GALNT9: variants seen among roughly 807,000 people sequenced by gnomAD.
The protein encoded by GALNT9 is polypeptide N-acetylgalactosaminyltransferase 9, also known as GalNAc transferase 9.
GALNT9 carries 47 observed loss-of-function variants against 63.1 expected under a neutral mutation model. The observed-to-expected ratio is 0.75, with a 90% CI of 0.59 to 0.95. GALNT9 has a LOEUF of 0.95. Among genes scored for constraint, GALNT9 ranks in the 40% least tolerant of loss-of-function variants. The pLI is 0.00. For missense variants in GALNT9, 829 were observed against 874.8 expected, an observed-to-expected ratio of 0.95 and a Z score of 0.66; for synonymous variants, 396 against 365.7, an observed-to-expected ratio of 1.08 and a Z score of -0.94.
At chr12:132,209,431 T>C (rs1466628002) in intron 6 of GALNT9, among the ~76,000 whole-genome samples, 1 of 152,058 alleles carries the variant, frequency 6.6e-6, no homozygotes, top group Non-Finnish European at 1.5e-5. Flanking sequence ...GCACCTGTAG[T>C]CCCAGCTACT....
At chr12:132,220,487 T>C (rs1877405638) in intron 6 of GALNT9, among the ~76,000 whole-genome samples, 1 of 152,006 alleles carries the variant, frequency 6.6e-6, no homozygotes, top group South Asian at 2.1e-4. Context: ...ATATGAAAAA[T>C]ACCCATGGAA....
chr12:132,226,661 CCCCACACACACTGTACATACACACCAAA>C (rs1259162473), intron 6 of GALNT9, among the ~76,000 whole-genome samples: 3 of 135,038 alleles, frequency 2.2e-5, no homozygotes, highest in Non-Finnish European at 4.7e-5. Context: ...CATATACACA[CCCCACACACACTGTACATACACACCAAA>C]CACCCACCCC....
chr12:132,285,492 G>A (rs974163267), intron 2 of GALNT9, among the ~76,000 whole-genome samples: 3 of 152,270 alleles, frequency 2.0e-5, no homozygotes, highest in Admixed American at 2.0e-4. Context: ...CATCCTGAGT[G>A]GCACTGAGGC....
At chr12:132,226,772 A>C (rs1304368367) in intron 6 of GALNT9, among the ~76,000 whole-genome samples, 2 of 146,926 alleles carry the variant, frequency 1.4e-5, no homozygotes, top group Middle Eastern at 3.7e-3. Flanking sequence ...CACACTGTAC[A>C]TACACATCCC....
At chr12:132,317,024 G>A (rs71470387) in intron 1 of GALNT9, among the ~76,000 whole-genome samples, 21,700 of 117,648 alleles carry the variant, frequency 0.18, 44 homozygotes, top group East Asian at 0.24. Context: ...TACACCCCAC[G>A]GAGCATGGTC....
chr12:132,229,631 G>C (rs1267319734), intron 6 of GALNT9, among the ~76,000 whole-genome samples: 1 of 152,196 alleles, frequency 6.6e-6, no homozygotes, highest in African/African-American at 2.4e-5. Context: ...GTGCCTCAGC[G>C]GGGCCGTCCC....
intron 1 of GALNT9, 101 bp downstream of exon 1, chr12:132,328,865 G>T: frequency 7.6e-7 from 1 of 1,318,770 alleles, no homozygotes; most frequent in Non-Finnish European, 9.9e-7. Context: ...CCACAGGGGC[G>T]CAGAGGGGCG....
chr12:132,203,591 C>G lies in GALNT9; in HGVS notation c.1177G>C (p.Ala393Pro). ...KPYNNDIDYYAKRNALRAAEV... is the reference protein window; with the variant it reads ...KPYNNDIDYYPKRNALRAAEV... ...GCGGCGCGCAGGGCGTTGCGCTTGG[C>G]ATAGTAGTCAATGTCGTTGTTGTAG... The change falls in exon 7 of 11, where the codon GCC becomes CCC. Residue 393 changes from alanine (A) to proline (P), a missense_variant. Ala to Pro is a conservative substitution (Grantham distance 27). Transcript: ENST00000328957. 1 of 1,613,898 alleles carries G rather than the reference C, an allele frequency of 6.2e-7. No homozygotes were observed. Among genetic ancestry groups the G allele is most frequent in the Non-Finnish European group, 8.5e-7 (1 of 1,179,822 alleles).
At chr12:132,260,303 G>A (rs28550409) in intron 4 of GALNT9, among the ~76,000 whole-genome samples, 52 of 151,760 alleles carry the variant, frequency 3.4e-4, no homozygotes, top group African/African-American at 1.2e-3. Context: ...CCTTGGAGTC[G>A]GGCCCTGCCC....
chr12:132,213,296 C>A (rs1309285102), intron 6 of GALNT9, among the ~76,000 whole-genome samples: 3 of 152,218 alleles, frequency 2.0e-5, no homozygotes, highest in Non-Finnish European at 4.4e-5. Flanking sequence ...AGAAAACCCA[C>A]CCACTGCCCA....
At chr12:132,247,756 CCGCA>C in intron 6 of GALNT9, 150 bp downstream of exon 6, 2 of 1,282,800 alleles carry the variant, frequency 1.6e-6, no homozygotes, top group African/African-American at 1.5e-5. Flanking sequence ...GATGCCGTGG[CCGCA>C]CTCGCCCTCA....
intron 1 of GALNT9, among the ~76,000 whole-genome samples, chr12:132,324,174 A>G (rs774671868): frequency 1.5e-3 from 226 of 152,312 alleles, no homozygotes; most frequent in Non-Finnish European, 2.6e-3. Flanking sequence ...AGCAGAGCAG[A>G]CGCTTGGAAA....
Position 132,286,568 on chromosome 12 carries a change from C to A in GALNT9, c.239-138G>T. 1 of 1,347,392 alleles carries A rather than the reference C, an allele frequency of 7.4e-7. No individual in the cohort carries two copies. The highest frequency in any genetic ancestry group is 9.8e-7 in the Non-Finnish European group (1 of 1,019,066). The allele number at this position is 1,347,392 out of a possible 1,614,324, so 83.5% of individuals were successfully genotyped here. ...CAGCAAACTCCCTGCAGATGGCAGGCTGCCAGCTCAGGACATTCCAGAAAG... is the reference window on the plus strand; with the variant it reads ...CAGCAAACTCCCTGCAGATGGCAGGATGCCAGCTCAGGACATTCCAGAAAG... On this transcript the variant is annotated intron_variant, in intron 1 of 10. Coordinates refer to ENST00000328957, the MANE Select transcript of GALNT9 (RefSeq NM_001122636.2). The surrounding 1 kb of genome is among the most constrained non-coding windows in gnomAD (Gnocchi z 7.4).
chr12:132,226,985 CAT>C (rs1333564335), intron 6 of GALNT9, among the ~76,000 whole-genome samples: 195 of 150,630 alleles, frequency 1.3e-3, no homozygotes, highest in African/African-American at 4.8e-3. Flanking sequence ...CCACACTGTA[CAT>C]ACACACCCAT....
chr12:132,217,292 G>T (rs983949499), intron 6 of GALNT9, among the ~76,000 whole-genome samples: 11 of 131,450 alleles, frequency 8.4e-5, no homozygotes, highest in East Asian at 2.4e-4. Flanking sequence ...TATCCATCCA[G>T]CCAGCCAGCC....
chr12:132,250,752 C>T (rs911368312), intron 5 of GALNT9, among the ~76,000 whole-genome samples: 1 of 152,330 alleles, frequency 6.6e-6, no homozygotes, highest in South Asian at 2.1e-4. Context: ...GATGACGCCA[C>T]TGCACTCCAG....
chr12:132,230,718 T>A (rs893397622), intron 6 of GALNT9, among the ~76,000 whole-genome samples: 21 of 152,220 alleles, frequency 1.4e-4, no homozygotes, highest in African/African-American at 4.6e-4. Flanking sequence ...ACGGCATATT[T>A]TGGCAGGGAG....
At chr12:132,228,465 G>C (rs1281630264) in intron 6 of GALNT9, among the ~76,000 whole-genome samples, 11 of 147,552 alleles carry the variant, frequency 7.5e-5, no homozygotes, top group Admixed American at 4.1e-4. Context: ...CTTTGCCTCT[G>C]GCAAGACAGG....
chr12:132,306,368 G>A (rs1258860153), intron 1 of GALNT9, among the ~76,000 whole-genome samples: 4 of 152,214 alleles, frequency 2.6e-5, no homozygotes, highest in Non-Finnish European at 4.4e-5. Context: ...AGTCAGCCTG[G>A]CTCCAGGGCC....
Sources: gnomAD v4.1 joint callset for allele counts (sites outside exome capture counted in the v4.1 genomes callset) on GRCh38, gnomAD v4.1.1 for gene constraint, Gnocchi (gnomAD v3.1) non-coding constraint, MANE v1.5 for transcripts, NCBI Gene and HGNC (gene_info 2026-07-23, HGNC 2026-07-21) for gene names.